The following PCDHA7 variants were observed in gnomAD, a reference collection of about 807,000 sequenced individuals.
The protein encoded by PCDHA7 is protocadherin alpha-7.
A neutral mutation model predicts 57.2 loss-of-function variants in PCDHA7; 37 were observed. That is an observed-to-expected ratio of 0.65 (90% confidence interval 0.50 to 0.85). The LOEUF (loss-of-function observed/expected upper bound fraction) is 0.85, where lower values mean the gene tolerates loss of function less well. Among genes scored for constraint, PCDHA7 ranks in the 40% least tolerant of loss-of-function variants. The probability of loss-of-function intolerance (pLI) is 0.00; values close to 1 mark genes in which losing one functional copy is unlikely to be tolerated. For synonymous variants in PCDHA7, 553 were observed against 558.8 expected (o/e 0.99, Z 0.15); for missense variants, 1,188 against 1,241.8 (o/e 0.96, Z 0.65).
In PCDHA7 at chr5:140,945,883, GAA is replaced by G. The variant is rs2093856247; in HGVS notation, c.2356-33063_2356-33062del. On this transcript the variant is annotated intron_variant, in intron 1 of 3. Transcript: ENST00000525929. ...GACCTGAAATTGTAAAACTAACAAA[GAA>G]AACACAGTGGGAAAGATGAAAGATC... Among the ~76,000 whole-genome samples the G allele has an allele frequency of 2.6e-5, 4 of 152,104 alleles. No homozygotes were observed. The South Asian group carries it at 8.3e-4, about 32-fold the overall frequency.
chr5:140,858,007 T>C lies in PCDHA7; in HGVS notation c.2355+21269T>C, dbSNP rs1383838363. 3.1e-6 allele frequency: 5 copies of C among 1,596,728 alleles called. 1 individual carries two copies. Among genetic ancestry groups the C allele is most frequent in the Admixed American group, 1.7e-5 (1 of 59,162 alleles). On this transcript the variant is annotated intron_variant, in intron 1 of 3. Coordinates refer to ENST00000525929, the MANE Select transcript of PCDHA7 (RefSeq NM_018910.3). ...GCCTACTGGTGCTGGTGAAGGACCA[T>C]GGCGAGCCGTCGCTGACGGCCACGG... is the stretch of plus-strand genomic sequence containing the variant.
intron 1 of PCDHA7, among the ~76,000 whole-genome samples, chr5:140,915,400 T>C (rs1554196884): frequency 6.6e-6 from 1 of 152,224 alleles, no homozygotes; most frequent in East Asian, 1.9e-4. Context: ...GTATTTCTTA[T>C]AGTCTTTGCA....
chr5:140,961,054 T>C (rs1290831214), intron 1 of PCDHA7, among the ~76,000 whole-genome samples: 2 of 152,136 alleles, frequency 1.3e-5, no homozygotes, highest in African/African-American at 4.8e-5. Context: ...AACAAAATGT[T>C]GAATGGGATA....
intron 1 of PCDHA7, chr5:140,868,773 G>A (rs1343929561): frequency 7.6e-6 from 2 of 262,984 alleles, no homozygotes; most frequent in African/African-American, 4.4e-5. Flanking sequence ...GTTTCAATAT[G>A]ACTTATAATC....
chr5:140,908,455 A>G (rs1425485479), intron 1 of PCDHA7, among the ~76,000 whole-genome samples: 7 of 152,178 alleles, frequency 4.6e-5, no homozygotes, highest in South Asian at 4.1e-4. Flanking sequence ...GGCTAGATGG[A>G]TCAGAAAGCA....
intron 1 of PCDHA7, chr5:140,856,523 G>T: frequency 6.3e-7 from 1 of 1,598,526 alleles, no homozygotes; most frequent in Non-Finnish European, 8.6e-7. Context: ...CGCATCTGAT[G>T]CGGATGTTGG....
intron 1 of PCDHA7, chr5:140,857,742 TG>T (rs1562528366): frequency 1.3e-6 from 2 of 1,597,278 alleles, no homozygotes; most frequent in African/African-American, 2.7e-5. Context: ...CCCGCGCTGC[TG>T]GCGTCTCCCG....
Position 140,836,291 on chromosome 5 carries a change from C to T in PCDHA7, c.1908C>T (p.Ala636=). Residue 636 remains alanine, a synonymous_variant, in exon 1 of 4, where the codon GCC becomes GCT. Transcript: ENST00000525929. Reference sequence around the variant, plus strand: ...CTGGTGAGATCAGCACGACACGAGCCCTAGATGAGACGGACGCACCGCGCC... The same window carrying T: ...CTGGTGAGATCAGCACGACACGAGCTCTAGATGAGACGGACGCACCGCGCC... ...LYTGEISTTR[A]LDETDAPRHR... 1 of 1,613,720 alleles carries T rather than the reference C, an allele frequency of 6.2e-7. No homozygotes were observed. Among genetic ancestry groups the T allele is most frequent in the Non-Finnish European group, 8.5e-7 (1 of 1,179,788 alleles).
intron 1 of PCDHA7, among the ~76,000 whole-genome samples, chr5:140,846,179 C>G (rs1250648449): frequency 1.3e-5 from 2 of 149,200 alleles, no homozygotes; most frequent in African/African-American, 4.9e-5. Context: ...CCTGAGTAGG[C>G]GTTTGAGTTC....
At chr5:140,882,611 C>T in intron 1 of PCDHA7, 1 of 1,614,252 alleles carries the variant, frequency 6.2e-7, no homozygotes, top group Non-Finnish European at 8.5e-7. Context: ...CAGGCCTCTG[C>T]AGGTTTTCCA....
chr5:140,877,338 C>G (rs1554169617), intron 1 of PCDHA7: 2 of 1,614,012 alleles, frequency 1.2e-6, no homozygotes, highest in South Asian at 2.2e-5. Flanking sequence ...ACATCCCGTT[C>G]CACGTGGGGC....
chr5:140,894,446 T>A (rs981858089), intron 1 of PCDHA7, among the ~76,000 whole-genome samples: 18 of 152,000 alleles, frequency 1.2e-4, no homozygotes, highest in African/African-American at 3.4e-4. Context: ...AGCTCTTTTT[T>A]AAAAAATATT....
intron 1 of PCDHA7, chr5:140,883,799 C>T: frequency 1.2e-6 from 2 of 1,612,460 alleles, no homozygotes; most frequent in Non-Finnish European, 1.7e-6. Flanking sequence ...CGTGTCGGTG[C>T]ACGCGGAGAG....
In PCDHA7 at chr5:140,978,986, C is replaced by T. The variant is rs138901709; in HGVS notation, c.2393C>T (p.Ser798Phe). The change falls in exon 2 of 4, where the codon TCC (serine) becomes TTC (phenylalanine). Residue 798 changes from serine (S) to phenylalanine (F), a missense_variant. Physicochemically the swap from Ser to Phe is radical, Grantham distance 155. Transcript: ENST00000525929. ...AACCCTGACTGGCGTTACTCTGCCT[C>T]CCTGAGAGCAGGCATGCACAGGTAT... Reference protein sequence around the residue: ...QPNPDWRYSASLRAGMHSSVH... With the variant: ...QPNPDWRYSAFLRAGMHSSVH... 56 of 1,614,072 alleles carry T rather than the reference C, an allele frequency of 3.5e-5. No individual in the cohort carries two copies. The highest frequency in any genetic ancestry group is 4.5e-5 in the Non-Finnish European group (53 of 1,180,028).
At chr5:140,884,317 G>C (rs1401667312) in intron 1 of PCDHA7, 15 of 1,613,780 alleles carry the variant, frequency 9.3e-6, no homozygotes, top group Non-Finnish European at 1.3e-5. Context: ...CGAGGGCGTC[G>C]GCAGGCGCTG....
intron 1 of PCDHA7, chr5:140,841,122 T>A (rs1777037982): frequency 1.6e-6 from 1 of 640,424 alleles, no homozygotes; most frequent in South Asian, 2.2e-5. Flanking sequence ...CATGTAATCA[T>A]TACCTTTTGA....
intron 1 of PCDHA7, among the ~76,000 whole-genome samples, chr5:140,959,857 T>G (rs1287315295): frequency 1.3e-5 from 2 of 152,204 alleles, no homozygotes; most frequent in African/African-American, 2.4e-5. Flanking sequence ...AAAGGAATTA[T>G]GTAGCAAAAT....
At chr5:140,999,078 T>G (rs1554256609) in intron 3 of PCDHA7, among the ~76,000 whole-genome samples, 2 of 152,208 alleles carry the variant, frequency 1.3e-5, no homozygotes, top group Non-Finnish European at 2.9e-5. Context: ...CTTCACTTCC[T>G]CCTTCAGAGG....
At chr5:140,863,431 T>C (rs782746420) in intron 1 of PCDHA7, 12 of 648,614 alleles carry the variant, frequency 1.9e-5, no homozygotes, top group South Asian at 1.5e-4. Context: ...CGTAGTGGGA[T>C]CTGGTCTTAC....
Sources: allele counts gnomAD v4.1 joint callset (sites outside exome capture counted in the v4.1 genomes callset), GRCh38; gene constraint gnomAD v4.1.1; transcripts MANE v1.5; gene names NCBI Gene and HGNC (gene_info 2026-07-23, HGNC 2026-07-21).